The following MARCHF1 variants were observed in gnomAD, a reference collection of about 807,000 sequenced individuals.
The protein encoded by MARCHF1 is E3 ubiquitin-protein ligase MARCHF1.
Under a neutral mutation model 54.2 loss-of-function variants are expected in MARCHF1, and 40 were observed. That is an observed-to-expected ratio of 0.74 (90% CI 0.57 to 0.96). The LOEUF is 0.96. Among genes scored for constraint, MARCHF1 ranks in the 40% least tolerant of loss-of-function variants. The pLI is 0.00. For missense variants in MARCHF1, 586 were observed against 656.5 expected, an observed-to-expected ratio of 0.89 and a Z score of 1.17; for synonymous variants, 236 against 236.3, an observed-to-expected ratio of 1.00 and a Z score of 0.01.
Position 163,826,154 on chromosome 4 carries a change from T to A in MARCHF1, c.111+27867A>T, listed in dbSNP as rs1748841745. On this transcript the variant is annotated intron_variant, in intron 4 of 9. Coordinates refer to ENST00000514618, the MANE Select transcript of MARCHF1 (RefSeq NM_001394959.1). ...ACCAATGAAATATTTTATTGTTTAA[T>A]TTACTTACCTATTAATTTACCTAGT... Among the ~76,000 whole-genome samples the A allele has an allele frequency of 2.0e-5, 3 of 152,198 alleles. 1 individual carries two copies. Among genetic ancestry groups the A allele is most frequent in the Admixed American group, 2.0e-4 (3 of 15,236 alleles).
In MARCHF1 at chr4:163,806,142, A is replaced by G. The variant is rs190270151; in HGVS notation, c.111+47879T>C. ...TGTAGGTTTAATTTAGAAGTTTCACAATAAGAACTCAATTATTGGGAAATA... is the reference window on the plus strand; with the variant it reads ...TGTAGGTTTAATTTAGAAGTTTCACGATAAGAACTCAATTATTGGGAAATA... On this transcript the variant is annotated intron_variant, in intron 4 of 9. Coordinates refer to ENST00000514618, the MANE Select transcript of MARCHF1 (RefSeq NM_001394959.1). Among the ~76,000 whole-genome samples the G allele has an allele frequency of 3.0e-3, 459 of 152,298 alleles. 2 individuals are homozygous for G. The highest frequency in any genetic ancestry group is 0.011 in the African/African-American group (448 of 41,560).
At chr4:163,733,206 T>C (rs1319860444) in intron 4 of MARCHF1, among the ~76,000 whole-genome samples, 763 of 34,128 alleles carry the variant, frequency 0.022, 125 homozygotes, top group African/African-American at 0.047. Flanking sequence ...TATATATATA[T>C]ATATATATAT....
chr4:164,324,133 A>G (rs915767600), intron 1 of MARCHF1, among the ~76,000 whole-genome samples: 1 of 151,870 alleles, frequency 6.6e-6, no homozygotes, highest in African/African-American at 2.4e-5. Flanking sequence ...ACCCAAGTCT[A>G]TTTCAGGAAA....
chr4:163,941,456 A>G (rs1331668953), intron 3 of MARCHF1, among the ~76,000 whole-genome samples: 1 of 152,178 alleles, frequency 6.6e-6, no homozygotes, highest in African/African-American at 2.4e-5. Flanking sequence ...CAGGTATCAG[A>G]TTAGAATTAG....
At chr4:163,568,834 T>G (rs2110742585) in intron 8 of MARCHF1, among the ~76,000 whole-genome samples, 2 of 152,212 alleles carry the variant, frequency 1.3e-5, no homozygotes, top group Non-Finnish European at 2.9e-5. Context: ...ACATATCTGT[T>G]GGGCCTGAGG....
intron 3 of MARCHF1, among the ~76,000 whole-genome samples, chr4:163,932,078 A>G (rs1751689063): frequency 6.6e-6 from 1 of 151,620 alleles, no homozygotes; most frequent in South Asian, 2.1e-4. Context: ...TCAACAAAAC[A>G]ATGTACGTAA....
At chr4:163,984,548 C>T (rs1313571703) in intron 3 of MARCHF1, among the ~76,000 whole-genome samples, 1 of 152,152 alleles carries the variant, frequency 6.6e-6, no homozygotes, top group Non-Finnish European at 1.5e-5. Context: ...ACACTTACCA[C>T]TCATAGACAC....
At chr4:163,530,976 TAAAG>T (rs771916823) in intron 9 of MARCHF1, among the ~76,000 whole-genome samples, 30 of 152,002 alleles carry the variant, frequency 2.0e-4, no homozygotes, top group Non-Finnish European at 4.0e-4. Context: ...CTAGATCTAT[TAAAG>T]AAATTAAATC....
chr4:164,010,060 CTCTT>C (rs769759394), intron 2 of MARCHF1, among the ~76,000 whole-genome samples: 1 of 106,562 alleles, frequency 9.4e-6, no homozygotes. Flanking sequence ...CATCAAAAAA[CTCTT>C]TTTTTTTTTT....
At chr4:163,680,981 T>C (rs1008586844) in intron 5 of MARCHF1, among the ~76,000 whole-genome samples, 1 of 150,178 alleles carries the variant, frequency 6.7e-6, no homozygotes, top group Non-Finnish European at 1.5e-5. Context: ...TACCTAATAA[T>C]ATATGTAATA....
At chr4:163,755,470 C>A (rs966948132) in intron 4 of MARCHF1, among the ~76,000 whole-genome samples, 8 of 152,024 alleles carry the variant, frequency 5.3e-5, no homozygotes, top group Non-Finnish European at 8.8e-5. Flanking sequence ...ATGTTGAATC[C>A]CTAATAATAC....
intron 3 of MARCHF1, among the ~76,000 whole-genome samples, chr4:163,886,336 G>GAT (rs1409739146): frequency 7.0e-6 from 1 of 143,062 alleles, no homozygotes; most frequent in African/African-American, 2.8e-5. Flanking sequence ...TAGATAGATA[G>GAT]ATAGATAGAT....
chr4:163,797,372 T>C (rs980180110), intron 4 of MARCHF1, among the ~76,000 whole-genome samples: 3 of 142,676 alleles, frequency 2.1e-5, no homozygotes, highest in African/African-American at 7.6e-5. Context: ...TGTGTGTGTG[T>C]GCTTATTCCA....
chr4:163,616,830 A>C (rs1406302068), intron 5 of MARCHF1, among the ~76,000 whole-genome samples: 1 of 150,042 alleles, frequency 6.7e-6, no homozygotes, highest in Non-Finnish European at 1.5e-5. Flanking sequence ...TAGTACAGAC[A>C]TTATGGAAAA....
intron 3 of MARCHF1, among the ~76,000 whole-genome samples, chr4:163,952,468 T>C (rs1052641729): frequency 1.3e-5 from 2 of 152,174 alleles, no homozygotes; most frequent in Admixed American, 6.5e-5. Context: ...ATGTTAAGCA[T>C]GTTATAAAAT....
intron 2 of MARCHF1, among the ~76,000 whole-genome samples, chr4:164,023,785 A>T (rs1753715158): frequency 6.6e-6 from 1 of 152,178 alleles, no homozygotes; most frequent in Non-Finnish European, 1.5e-5. Context: ...AATGACAAGA[A>T]AGCTTATTGA....
intron 3 of MARCHF1, among the ~76,000 whole-genome samples, chr4:163,931,276 A>G (rs1396307068): frequency 2.6e-5 from 4 of 152,166 alleles, no homozygotes; most frequent in Non-Finnish European, 4.4e-5. Context: ...GCCTGAGCTG[A>G]CTAAGTGTTT....
At chr4:164,172,660 A>G (rs1359708625) in intron 1 of MARCHF1, among the ~76,000 whole-genome samples, 1 of 152,198 alleles carries the variant, frequency 6.6e-6, no homozygotes, top group African/African-American at 2.4e-5. Context: ...TTTGTGTCAG[A>G]TTATTATAAA....
chr4:164,035,232 A>G (rs758633554), intron 2 of MARCHF1, among the ~76,000 whole-genome samples: 4 of 152,086 alleles, frequency 2.6e-5, no homozygotes, highest in Non-Finnish European at 5.9e-5. Flanking sequence ...AGCTTTTCCA[A>G]TGTTATTCTA....
Sources: allele counts gnomAD v4.1 joint callset (sites outside exome capture counted in the v4.1 genomes callset), GRCh38; gene constraint gnomAD v4.1.1; transcripts MANE v1.5; gene names NCBI Gene and HGNC (gene_info 2026-07-23, HGNC 2026-07-21).